The following PTPRD variants were observed in gnomAD, a reference collection of about 807,000 sequenced individuals.
The protein encoded by PTPRD is receptor-type tyrosine-protein phosphatase delta.
Under a neutral mutation model 214.5 loss-of-function variants are expected in PTPRD, and 34 were observed. That is an observed-to-expected ratio of 0.16 (90% CI 0.12 to 0.21). The LOEUF (loss-of-function observed/expected upper bound fraction) is 0.21, where lower values mean the gene tolerates loss of function less well. Ranked by LOEUF, PTPRD falls within the 10% of genes least tolerant of loss-of-function variation. PTPRD has a pLI of 1.00. For synonymous variants in PTPRD, 1,128 were observed against 845.7 expected, an observed-to-expected ratio of 1.33 and a Z score of -5.79; for missense variants, 2,545 against 2,398.7, an observed-to-expected ratio of 1.06 and a Z score of -1.27.
chr9:9,640,251 G>A (rs2095894507), intron 7 of PTPRD, among the ~76,000 whole-genome samples: 1 of 152,120 alleles, frequency 6.6e-6, no homozygotes, highest in African/African-American at 2.4e-5. Context: ...GGTGCAATGT[G>A]ATTTTTGCTT....
At chr9:10,423,941 A>G (rs571874016) in intron 2 of PTPRD, among the ~76,000 whole-genome samples, 1 of 152,088 alleles carries the variant, frequency 6.6e-6, no homozygotes, top group South Asian at 2.1e-4. Flanking sequence ...TGAATTCTCA[A>G]GTCTGAACCT....
chr9:10,319,182 A>T (rs908260663), intron 3 of PTPRD, among the ~76,000 whole-genome samples: 1 of 152,210 alleles, frequency 6.6e-6, no homozygotes, highest in African/African-American at 2.4e-5. Context: ...GGCAGGGGAC[A>T]GTGACTACCT....
chr9:10,256,904 C>T (rs547197737), intron 3 of PTPRD, among the ~76,000 whole-genome samples: 5 of 152,294 alleles, frequency 3.3e-5, no homozygotes, highest in African/African-American at 7.2e-5. Context: ...TTCTTCACAT[C>T]TTAGTTCCAT....
intron 10 of PTPRD, among the ~76,000 whole-genome samples, chr9:9,178,732 A>G (rs970372842): frequency 1.3e-5 from 2 of 152,094 alleles, no homozygotes; most frequent in African/African-American, 2.4e-5. Flanking sequence ...AATCATTTCA[A>G]TAAGTCCTTC....
intron 9 of PTPRD, among the ~76,000 whole-genome samples, chr9:9,369,383 G>A (rs1206606746): frequency 6.6e-6 from 1 of 152,046 alleles, no homozygotes; most frequent in South Asian, 2.1e-4. Flanking sequence ...TTTTTCATGT[G>A]TTTTTTGGCT....
intron 43 of PTPRD, among the ~76,000 whole-genome samples, chr9:8,337,083 C>T (rs1247414681): frequency 1.3e-5 from 2 of 152,142 alleles, no homozygotes; most frequent in South Asian, 2.1e-4. Flanking sequence ...TTTGACCCAG[C>T]AATCCCATTA....
At chr9:9,992,917 T>C (rs1318980787) in intron 4 of PTPRD, among the ~76,000 whole-genome samples, 1 of 152,110 alleles carries the variant, frequency 6.6e-6, no homozygotes, top group Non-Finnish European at 1.5e-5. Flanking sequence ...ACCTGCACGT[T>C]GTGCACATGT....
At chr9:10,063,217 C>T (rs2097807973) in intron 3 of PTPRD, among the ~76,000 whole-genome samples, 2 of 152,012 alleles carry the variant, frequency 1.3e-5, no homozygotes, top group Non-Finnish European at 2.9e-5. Context: ...TTCAACTGTT[C>T]CACTTCTGTC....
chr9:9,353,170 T>C (rs539697323), intron 9 of PTPRD, among the ~76,000 whole-genome samples: 4 of 152,082 alleles, frequency 2.6e-5, no homozygotes, highest in South Asian at 4.1e-4. Flanking sequence ...ACCTATTTCA[T>C]GTTGATATAT....
rs113799008 is a variant in PTPRD at position 9,754,480 on chromosome 9, T to G, written c.-326+12330A>C. Among the ~76,000 whole-genome samples, 3 of 152,068 alleles carry G rather than the reference T, an allele frequency of 2.0e-5. No individual in the cohort carries two copies. In the East Asian group the frequency reaches 5.8e-4, roughly 29 times the overall value. ...CTCAGTGATTCCATCTCTCTGCAAA[T>G]GGTGATAAATAATAGCAGTTCTTGA... On this transcript the variant is annotated intron_variant, in intron 6 of 45. Coordinates refer to ENST00000381196, the MANE Select transcript of PTPRD (RefSeq NM_002839.4).
chr9:9,316,543 A>G (rs534133452), intron 9 of PTPRD, among the ~76,000 whole-genome samples: 90 of 152,254 alleles, frequency 5.9e-4, no homozygotes, highest in Non-Finnish European at 9.7e-4. Context: ...TCTTTGTGGC[A>G]TGTACACACA....
intron 7 of PTPRD, among the ~76,000 whole-genome samples, chr9:9,619,498 A>G (rs1417541697): frequency 1.4e-5 from 2 of 147,068 alleles, no homozygotes; most frequent in Admixed American, 6.9e-5. Context: ...ATCTATATAT[A>G]TTATATTATA....
At chr9:9,828,204 C>G (rs186021686) in intron 5 of PTPRD, among the ~76,000 whole-genome samples, 2 of 152,116 alleles carry the variant, frequency 1.3e-5, no homozygotes, top group South Asian at 2.1e-4. Flanking sequence ...CACATACACA[C>G]GCATGTTTAT....
At chr9:10,482,010 G>C (rs2099100761) in intron 2 of PTPRD, among the ~76,000 whole-genome samples, 1 of 151,676 alleles carries the variant, frequency 6.6e-6, no homozygotes, top group African/African-American at 2.4e-5. Flanking sequence ...AAGAAGGCAT[G>C]GAGTGAAAAA....
Position 8,733,728 on chromosome 9 carries a change from C to T in PTPRD, c.64+52G>A, listed in dbSNP as rs771058854. ...CCCTGAGCCTGGTGCCAACTGCAAA[C>T]AAAACCACTCATTATGGTCACAGCC... is the stretch of plus-strand genomic sequence containing the variant. On this transcript the variant is annotated intron_variant, in intron 12 of 45. Transcript: ENST00000381196. The T allele has an allele frequency of 1.2e-4, 187 of 1,544,424 alleles. 3 individuals carry two copies. Among genetic ancestry groups the T allele is most frequent in the East Asian group, 1.2e-4 (5 of 40,858 alleles).
At chr9:9,013,733 G>T (rs2099521533) in intron 11 of PTPRD, among the ~76,000 whole-genome samples, 1 of 152,144 alleles carries the variant, frequency 6.6e-6, no homozygotes, top group African/African-American at 2.4e-5. Flanking sequence ...CTCAGGAAAT[G>T]CTTACGTATA....
chr9:9,362,533 A>C (rs1182980416), intron 9 of PTPRD, among the ~76,000 whole-genome samples: 2 of 151,108 alleles, frequency 1.3e-5, no homozygotes, highest in Non-Finnish European at 3.0e-5. Context: ...TGTCAGAAAA[A>C]CATCAACTAA....
intron 8 of PTPRD, among the ~76,000 whole-genome samples, chr9:9,566,065 G>A (rs2084424921): frequency 6.6e-6 from 1 of 151,642 alleles, no homozygotes; most frequent in Non-Finnish European, 1.5e-5. Flanking sequence ...TGCTGTTAGG[G>A]CTTGCTTTTT....
chr9:8,925,130 C>T (rs1174204950), intron 11 of PTPRD, among the ~76,000 whole-genome samples: 1 of 152,148 alleles, frequency 6.6e-6, no homozygotes, highest in Non-Finnish European at 1.5e-5. Flanking sequence ...TCTCTTCTTA[C>T]ATTATATTTC....
Sources: gnomAD v4.1 joint callset for allele counts (sites outside exome capture counted in the v4.1 genomes callset) on GRCh38, gnomAD v4.1.1 for gene constraint, MANE v1.5 for transcripts, NCBI Gene and HGNC (gene_info 2026-07-23, HGNC 2026-07-21) for gene names.